The following AFDN variants were observed in gnomAD, a reference collection of about 807,000 sequenced individuals.
AFDN encodes afadin.
A neutral mutation model predicts 216.6 loss-of-function variants in AFDN; 68 were observed. That is an observed-to-expected ratio of 0.31 (90% CI 0.26 to 0.38). The LOEUF (loss-of-function observed/expected upper bound fraction) is 0.38. Among genes scored for constraint, AFDN ranks in the 10% least tolerant of loss-of-function variants. The pLI, the probability that AFDN is intolerant of heterozygous loss-of-function variation, is 1.00. For synonymous variants in AFDN, 868 were observed against 853.7 expected, an observed-to-expected ratio of 1.02 and a Z score of -0.29; for missense variants, 2,136 against 2,342.0, an observed-to-expected ratio of 0.91 and a Z score of 1.82.
intron 1 of AFDN, among the ~76,000 whole-genome samples, chr6:167,858,251 G>T (rs1237989768): frequency 1.3e-5 from 2 of 152,168 alleles, no homozygotes; most frequent in Non-Finnish European, 1.5e-5. Flanking sequence ...TGTAGCTGCT[G>T]TGAGCAGATG....
Position 167,913,405 on chromosome 6 carries a change from A to G in AFDN, c.2040A>G (p.Glu680=). ...MVSMMEGVIQ[E]VDQVDQKQKN... Reference sequence around the variant, plus strand: ...TCCCCTCGTCTGTTTTTCTCCAGGAAGTAGACCAGGTTGACCAGGTAGGAC... The same window carrying G: ...TCCCCTCGTCTGTTTTTCTCCAGGAGGTAGACCAGGTTGACCAGGTAGGAC... Residue 680 remains glutamate (E), a splice_region_variant and synonymous_variant, in exon 16 of 34, where the codon GAA becomes GAG. Transcript: ENST00000683244. 1 of 1,535,926 alleles carries G rather than the reference A, an allele frequency of 6.5e-7. No homozygotes were observed. Among genetic ancestry groups the G allele is most frequent in the Non-Finnish European group, 8.7e-7 (1 of 1,146,808 alleles).
At chr6:167,914,338 G>A (rs971280342) in intron 17 of AFDN, 25 bp downstream of exon 17, 1 of 1,610,280 alleles carries the variant, frequency 6.2e-7, no homozygotes, top group African/African-American at 1.3e-5. Flanking sequence ...TTTGAAGGCG[G>A]CACTACTCTA....
chr6:167,971,572 C>A lies in AFDN; in HGVS notation c.*1637C>A. The A allele has an allele frequency of 5.1e-6, 1 of 194,566 alleles. No homozygotes were observed. The highest frequency in any genetic ancestry group is 1.1e-5 in the Non-Finnish European group (1 of 93,662). 12.1% of individuals were successfully genotyped at this position (194,566 alleles called of 1,614,324 possible). A position where few individuals can be genotyped will look rare whatever the true frequency, so the allele number is the denominator to read the frequency against. ...AGTTCTAGGAAAAGCAGGCACCTCCCAAATATCTTGAGGACACTGGCAGCC... is the reference window on the plus strand; with the variant it reads ...AGTTCTAGGAAAAGCAGGCACCTCCAAAATATCTTGAGGACACTGGCAGCC... On this transcript the variant is annotated 3_prime_UTR_variant, in exon 34 of 34. Transcript: ENST00000683244.
rs1238449578 is a variant in AFDN, at chr6:167,880,262, A to C, written c.740-98A>C. On this transcript the variant is annotated intron_variant, in intron 5 of 33. Coordinates refer to ENST00000683244, the MANE Select transcript of AFDN (RefSeq NM_001386888.1). Reference sequence around the variant, plus strand: ...TTGTCTTTACACTCATTTTAGCTAGAATGCAGGTACCTTTTTCTCAAGTGA... The same window carrying C: ...TTGTCTTTACACTCATTTTAGCTAGCATGCAGGTACCTTTTTCTCAAGTGA... The C allele has an allele frequency of 2.7e-6, 3 of 1,103,938 alleles. No homozygotes were observed. The East Asian group carries it at 7.1e-5, about 26-fold the overall frequency. 68.4% of individuals were successfully genotyped at this position (1,103,938 alleles called of 1,614,324 possible).
At position 167,911,428 on chromosome 6, in the gene AFDN, G is replaced by A. The variant is rs947668826; in HGVS notation, c.1976G>A (p.Arg659His). The part of the protein sequence containing the change: ...QYRPDISPTE[R>H]THKVIAVVNK... Reference sequence around the variant, plus strand: ...AGACCTGACATCAGCCCTACAGAGCGCACACATAAAGTCATTGCAGTCGTC... The same window carrying A: ...AGACCTGACATCAGCCCTACAGAGCACACACATAAAGTCATTGCAGTCGTC... The change falls in exon 15 of 34, where the codon CGC becomes CAC. Residue 659 changes from arginine to histidine, a missense_variant. Coordinates refer to ENST00000683244, the MANE Select transcript of AFDN (RefSeq NM_001386888.1). 1.2e-5 allele frequency: 20 copies of A among 1,613,938 alleles called. No individual in the cohort carries two copies. The highest frequency in any genetic ancestry group is 6.7e-5 in the East Asian group (3 of 44,888).
chr6:167,952,396 A>G, intron 30 of AFDN: 1 of 1,452,458 alleles, frequency 6.9e-7, no homozygotes. Flanking sequence ...ACATGCTTTG[A>G]CAAGTATTAA....
chr6:167,897,447 C>T (rs975845595), intron 10 of AFDN, among the ~76,000 whole-genome samples: 5 of 152,050 alleles, frequency 3.3e-5, no homozygotes, highest in Non-Finnish European at 7.4e-5. Context: ...TGAATTCAGG[C>T]GAATCACCCT....
At chr6:167,911,530 G>T (rs896318197) in intron 15 of AFDN, 41 bp downstream of exon 15, 13 of 1,571,706 alleles carry the variant, frequency 8.3e-6, no homozygotes, top group Non-Finnish European at 1.1e-5. Context: ...CAGTGATTGT[G>T]GTTGTAATTG....
At position 167,951,633 on chromosome 6, in the gene AFDN, G is replaced by A; in HGVS notation, c.4279G>A (p.Glu1427Lys). The A allele has an allele frequency of 6.2e-7, 1 of 1,614,154 alleles. No individual in the cohort carries two copies. The change falls in exon 30 of 34, where the codon GAG (glutamate) becomes AAG (lysine). Residue 1427 changes from glutamate (E) to lysine (K), a missense_variant. By Grantham distance (56) the Glu-to-Lys change is moderately conservative (BLOSUM62 1). Coordinates refer to ENST00000683244, the MANE Select transcript of AFDN (RefSeq NM_001386888.1). This position sits in a 1 kb window ranked among gnomAD's most constrained non-coding sequence, Gnocchi z 7.1. The part of the protein sequence containing the change: ...RKREEHQRWY[E>K]KEKARLEEER... ...GAGAGAAGAACATCAGCGTTGGTAT[G>A]AGAAGGAGAAGGCCCGCCTGGAGGA...
intron 11 of AFDN, 118 bp from the exon 12 acceptor site, chr6:167,902,199 C>A: frequency 1.4e-6 from 1 of 711,432 alleles, no homozygotes; most frequent in African/African-American, 1.8e-5. Context: ...GAAAACAGAG[C>A]AATTTCTTAA....
At chr6:167,969,276 A>T in intron 33 of AFDN, 78 bp downstream of exon 33, 1 of 1,090,998 alleles carries the variant, frequency 9.2e-7, no homozygotes, top group South Asian at 1.3e-5. Context: ...CCTTGAGATT[A>T]TGTAAACAGA....
rs375276249 is a variant in AFDN at position 167,880,447 on chromosome 6, T to G, written c.827T>G (p.Phe276Cys). The G allele has an allele frequency of 1.2e-6, 2 of 1,613,910 alleles. No individual in the cohort carries two copies. The highest frequency in any genetic ancestry group is 1.7e-6 in the Non-Finnish European group (2 of 1,179,830). Residue 276 changes from phenylalanine to cysteine, a missense_variant, in exon 6 of 34, where the codon TTT becomes TGT. Physicochemically the swap from Phe to Cys is radical, Grantham distance 205 (BLOSUM62 -2). This residue lies in a region of AFDN where 817 missense variants were observed against 965.7 expected (regional missense o/e 0.85). Coordinates refer to ENST00000683244, the MANE Select transcript of AFDN (RefSeq NM_001386888.1). ...CTGTCTACTACAGATCCTGCAGACT[T>G]TGCTGTGGCTGAAGCTTTAGAGAAG... ...ILLSTTDPAD[F>C]AVAEALEKYG... is the part of the protein sequence containing the mutation.
chr6:167,870,963 C>T (rs1211268930), intron 3 of AFDN, among the ~76,000 whole-genome samples: 3 of 152,034 alleles, frequency 2.0e-5, no homozygotes, highest in African/African-American at 7.2e-5. Flanking sequence ...CTACAACTTC[C>T]TAGGTGGTAG....
At chr6:167,957,940 T>A (rs1348867822) in intron 30 of AFDN, among the ~76,000 whole-genome samples, 1 of 152,238 alleles carries the variant, frequency 6.6e-6, no homozygotes. Flanking sequence ...TGGAAGAGAT[T>A]GACCCAGTAT....
intron 1 of AFDN, among the ~76,000 whole-genome samples, chr6:167,839,873 A>T (rs376113820): frequency 2.6e-4 from 40 of 152,308 alleles, no homozygotes; most frequent in African/African-American, 9.4e-4. Context: ...GAGTCTCTAG[A>T]TGAGAAGGAA....
At chr6:167,960,499 A>C (rs1554237683) in intron 30 of AFDN, among the ~76,000 whole-genome samples, 1 of 152,236 alleles carries the variant, frequency 6.6e-6, no homozygotes, top group Non-Finnish European at 1.5e-5. Context: ...TTTTTAATTG[A>C]GGCTAGAAAA....
chr6:167,878,668 A>G (rs139555242), intron 5 of AFDN, among the ~76,000 whole-genome samples: 3,358 of 152,176 alleles, frequency 0.022, 59 homozygotes, highest in Non-Finnish European at 0.033. Context: ...CACTTTAACT[A>G]GAATAATTCA....
At chr6:167,893,559 G>A (rs1203580470) in intron 8 of AFDN, 7 of 306,742 alleles carry the variant, frequency 2.3e-5, no homozygotes, top group Non-Finnish European at 3.7e-5. Flanking sequence ...CAGCCCAGTG[G>A]GGTGGTAGCC....
chr6:167,934,143 G>C lies in AFDN; in HGVS notation c.3100-8986G>C, dbSNP rs560969633. Among the ~76,000 whole-genome samples, 15 of 152,314 alleles carry C rather than the reference G, an allele frequency of 9.8e-5. No homozygotes were observed. In the East Asian group the frequency reaches 2.1e-3, roughly 22 times the overall value. On this transcript the variant is annotated intron_variant, in intron 23 of 33. Transcript: ENST00000683244. The stretch of plus-strand genomic sequence containing the variant: ...TCGCGTGCGGTCTTTGGGGGTTTAT[G>C]GGCTTCCTGCATCCCATCTGTGGGA...
Sources: allele counts gnomAD v4.1 joint callset (sites outside exome capture counted in the v4.1 genomes callset), GRCh38; gene constraint gnomAD v4.1.1; regional missense constraint gnomAD v4.1.1; non-coding constraint Gnocchi (gnomAD v3.1); transcripts MANE v1.5; gene names NCBI Gene and HGNC (gene_info 2026-07-23, HGNC 2026-07-21).